Variants in ARHGAP15 observed in about 807,000 individuals in gnomAD.
ARHGAP15 encodes Rho GTPase activating protein 15.
In ARHGAP15, 51 loss-of-function variants were observed where a neutral mutation model predicts 63.7. The ratio of observed to expected loss-of-function variants is 0.80; its 90% confidence interval spans 0.64 to 1.01. ARHGAP15 has a LOEUF of 1.01. Ranked by LOEUF, ARHGAP15 falls within the 50% of genes least tolerant of loss-of-function variation. The pLI is 0.00. For missense variants in ARHGAP15, 560 were observed against 564.6 expected (o/e 0.99, Z 0.08); for synonymous variants, 191 against 193.8 (o/e 0.99, Z 0.12).
intron 12 of ARHGAP15, among the ~76,000 whole-genome samples, chr2:143,701,286 A>G (rs765190374): frequency 1.3e-5 from 2 of 152,240 alleles, no homozygotes; most frequent in Non-Finnish European, 2.9e-5. Flanking sequence ...CAGTTTCTAA[A>G]CTAACTCTTT....
At chr2:143,626,442 C>A (rs2105245407) in intron 12 of ARHGAP15, among the ~76,000 whole-genome samples, 1 of 152,186 alleles carries the variant, frequency 6.6e-6, no homozygotes, top group East Asian at 1.9e-4. Context: ...GAGCCGTAGA[C>A]CTTCTAGGTG....
At chr2:143,249,943 A>G (rs1488601890) in intron 5 of ARHGAP15, among the ~76,000 whole-genome samples, 1 of 152,112 alleles carries the variant, frequency 6.6e-6, no homozygotes, top group Admixed American at 6.6e-5. Flanking sequence ...ATAAATATGT[A>G]TTGAATTTGC....
intron 13 of ARHGAP15, among the ~76,000 whole-genome samples, chr2:143,742,515 C>A (rs1471868418): frequency 3.9e-5 from 6 of 152,158 alleles, no homozygotes; most frequent in Non-Finnish European, 7.4e-5. Flanking sequence ...AAAGAAATGA[C>A]AAATGTCTCC....
rs1223010228 is a variant in ARHGAP15, at chr2:143,346,242, ACACACACT to A, written c.475-89351_475-89344del. Reference sequence around the variant, plus strand: ...CTCTCACACACACTCTCTCTCACACACACACACTCACACACACACACACACACACACAC... The same window carrying A: ...CTCTCACACACACTCTCTCTCACACACACACACACACACACACACACACAC... On this transcript the variant is annotated intron_variant, in intron 6 of 13. Transcript: ENST00000295095. 1.4e-4 allele frequency among the ~76,000 whole-genome samples: 20 copies of A among 142,030 alleles called. No homozygotes were observed. In the South Asian group the frequency reaches 1.9e-3, roughly 13 times the overall value. The allele number at this position is 142,030 out of a possible 152,430, so 93.2% of individuals were successfully genotyped here.
chr2:143,495,792 C>T (rs999186982), intron 9 of ARHGAP15, among the ~76,000 whole-genome samples: 1 of 152,080 alleles, frequency 6.6e-6, no homozygotes, highest in South Asian at 2.1e-4. Context: ...TTAATTTAAG[C>T]AAAATATATA....
intron 6 of ARHGAP15, among the ~76,000 whole-genome samples, chr2:143,327,938 G>A (rs1378359167): frequency 4.0e-5 from 6 of 149,832 alleles, no homozygotes; most frequent in African/African-American, 1.5e-4. Flanking sequence ...AGTGAGCAAA[G>A]GATGTGAACA....
At chr2:143,223,136 C>G (rs796077029) in intron 4 of ARHGAP15, among the ~76,000 whole-genome samples, 27 of 152,162 alleles carry the variant, frequency 1.8e-4, no homozygotes, top group African/African-American at 6.5e-4. Context: ...ACCACCATGC[C>G]CATCTAATTT....
intron 11 of ARHGAP15, among the ~76,000 whole-genome samples, chr2:143,559,615 C>T (rs547785816): frequency 1.1e-4 from 16 of 152,294 alleles, no homozygotes; most frequent in South Asian, 1.0e-3. Context: ...CCTTTGAATG[C>T]GTTTTCTGGA....
At chr2:143,434,916 A>G (rs1296096695) in intron 6 of ARHGAP15, among the ~76,000 whole-genome samples, 1 of 152,164 alleles carries the variant, frequency 6.6e-6, no homozygotes, top group East Asian at 1.9e-4. Context: ...TACACGCTAA[A>G]TATTGCCAAC....
At chr2:143,741,812 C>T (rs992935656) in intron 13 of ARHGAP15, among the ~76,000 whole-genome samples, 3 of 152,096 alleles carry the variant, frequency 2.0e-5, no homozygotes, top group African/African-American at 7.2e-5. Context: ...GCAGAAATGC[C>T]GGAGCATCTT....
chr2:143,335,060 A>G (rs1454447658), intron 6 of ARHGAP15, among the ~76,000 whole-genome samples: 3 of 152,200 alleles, frequency 2.0e-5, no homozygotes, highest in African/African-American at 7.2e-5. Flanking sequence ...GAGCATAACA[A>G]AGATAAATAG....
intron 6 of ARHGAP15, among the ~76,000 whole-genome samples, chr2:143,288,151 T>C (rs764703857): frequency 1.3e-5 from 2 of 152,182 alleles, no homozygotes; most frequent in Non-Finnish European, 2.9e-5. Context: ...TTCAATAGTA[T>C]ATAAATCGGC....
chr2:143,460,450 A>G (rs942635848), intron 8 of ARHGAP15, among the ~76,000 whole-genome samples: 13 of 152,230 alleles, frequency 8.5e-5, no homozygotes, highest in African/African-American at 2.7e-4. Flanking sequence ...GAAAATATAT[A>G]TATATCTAGA....
In ARHGAP15 at chr2:143,737,800, A is replaced by G. The variant is rs187116207; in HGVS notation, c.1245-30189A>G. On this transcript the variant is annotated intron_variant, in intron 13 of 13. Coordinates refer to ENST00000295095, the MANE Select transcript of ARHGAP15 (RefSeq NM_018460.4). ...GATGGAGTTTTCACTCTTGTTGCCC[A>G]GGCTGGAGTGCAATGGCACGATCTC... Among the ~76,000 whole-genome samples the G allele has an allele frequency of 8.5e-5, 13 of 152,062 alleles. No homozygotes were observed. In the East Asian group the frequency reaches 2.3e-3, roughly 27 times the overall value.
intron 13 of ARHGAP15, among the ~76,000 whole-genome samples, chr2:143,704,367 A>G (rs974469233): frequency 6.6e-6 from 1 of 152,172 alleles, no homozygotes; most frequent in Non-Finnish European, 1.5e-5. Flanking sequence ...GCTTGAGTGG[A>G]GCCCTCAGAG....
intron 10 of ARHGAP15, among the ~76,000 whole-genome samples, chr2:143,522,774 T>C (rs77143865): frequency 0.035 from 5,357 of 152,254 alleles, 328 homozygotes; most frequent in African/African-American, 0.12. Flanking sequence ...TTAAAACCCC[T>C]GGGCCATGGG....
chr2:143,395,098 T>C (rs1193934337), intron 6 of ARHGAP15, among the ~76,000 whole-genome samples: 6 of 152,108 alleles, frequency 3.9e-5, no homozygotes, highest in African/African-American at 9.7e-5. Flanking sequence ...ACATAGATTA[T>C]AAAACGTGAA....
intron 13 of ARHGAP15, among the ~76,000 whole-genome samples, chr2:143,740,435 A>G (rs559586579): frequency 1.3e-5 from 2 of 152,238 alleles, no homozygotes; most frequent in Non-Finnish European, 2.9e-5. Flanking sequence ...TTACACATGC[A>G]AAATATTTCC....
intron 6 of ARHGAP15, among the ~76,000 whole-genome samples, chr2:143,299,827 T>C (rs1682815898): frequency 6.6e-6 from 1 of 151,988 alleles, no homozygotes; most frequent in Non-Finnish European, 1.5e-5. Context: ...ACAGGCCAAG[T>C]AGTTTGTTTA....
Sources: allele counts gnomAD v4.1 joint callset (sites outside exome capture counted in the v4.1 genomes callset), GRCh38; gene constraint gnomAD v4.1.1; transcripts MANE v1.5; gene names NCBI Gene and HGNC (gene_info 2026-07-23, HGNC 2026-07-21).